LRRFIP1: variants seen among roughly 807,000 people sequenced by gnomAD.
LRRFIP1 encodes the protein LRR binding FLII interacting protein 1.
LRRFIP1 carries 62 observed loss-of-function variants against 104.4 expected under a neutral mutation model. The observed-to-expected ratio is 0.59, with a 90% CI of 0.48 to 0.73. The LOEUF (loss-of-function observed/expected upper bound fraction) is 0.73. Among genes scored for constraint, LRRFIP1 ranks in the 30% least tolerant of loss-of-function variants. The pLI is 0.00. For missense variants in LRRFIP1, 796 were observed against 824.5 expected, an observed-to-expected ratio of 0.97 and a Z score of 0.42; for synonymous variants, 300 against 299.0, an observed-to-expected ratio of 1.00 and a Z score of -0.03.
chr2:237,663,048 G>C (rs987807065), intron 1 of LRRFIP1, among the ~76,000 whole-genome samples: 1 of 152,142 alleles, frequency 6.6e-6, no homozygotes, highest in African/African-American at 2.4e-5. Flanking sequence ...TGCCCTGCGG[G>C]AGCCGGCAGG....
intron 19 of LRRFIP1, among the ~76,000 whole-genome samples, chr2:237,761,249 A>G (rs192183482): frequency 6.6e-6 from 1 of 152,348 alleles, no homozygotes; most frequent in East Asian, 1.9e-4. Context: ...GTTGTGGCCT[A>G]GTGCAGTGGC....
At chr2:237,727,224 C>T (rs1226438203) in intron 7 of LRRFIP1, among the ~76,000 whole-genome samples, 3 of 151,972 alleles carry the variant, frequency 2.0e-5, no homozygotes, top group South Asian at 2.1e-4. Flanking sequence ...GGCGTGGTGA[C>T]GCACGCCTGT....
intron 19 of LRRFIP1, chr2:237,762,547 A>G (rs3739046): frequency 0.04 from 54,462 of 1,364,024 alleles, 2,268 homozygotes; most frequent in East Asian, 0.15. Context: ...ATTCTAATGT[A>G]GATTATGTGG....
At position 237,663,681 on chromosome 2, in the gene LRRFIP1, G is replaced by C. The variant is rs188681720; in HGVS notation, c.96+35941G>C. Reference sequence around the variant, plus strand: ...GAATGACTTCCGGGCCTCTGACAGGGTGCTTGGGGAGGATGGTGTGATGTT... The same window carrying C: ...GAATGACTTCCGGGCCTCTGACAGGCTGCTTGGGGAGGATGGTGTGATGTT... On this transcript the variant is annotated intron_variant, in intron 1 of 23. Transcript: ENST00000308482. Among the ~76,000 whole-genome samples, 7 of 152,380 alleles carry C rather than the reference G, an allele frequency of 4.6e-5. No homozygotes were observed. The East Asian group carries it at 1.3e-3, about 29-fold the overall frequency.
intron 1 of LRRFIP1, among the ~76,000 whole-genome samples, chr2:237,673,099 G>A (rs952068825): frequency 6.6e-6 from 1 of 152,200 alleles, no homozygotes; most frequent in Non-Finnish European, 1.5e-5. Flanking sequence ...ACCCCCACAC[G>A]GATTAGCCTA....
At chr2:237,627,849 C>T (rs2081790510) in intron 1 of LRRFIP1, 109 bp downstream of exon 1, 7 of 710,508 alleles carry the variant, frequency 9.9e-6, no homozygotes, top group Non-Finnish European at 1.3e-5. Flanking sequence ...TGTGCCACTG[C>T]GCGTCCGGCT....
intron 1 of LRRFIP1, among the ~76,000 whole-genome samples, chr2:237,656,943 G>A (rs1410848116): frequency 1.3e-5 from 2 of 152,292 alleles, no homozygotes; most frequent in East Asian, 1.9e-4. Flanking sequence ...ACAATGTTAC[G>A]AAGATAACAT....
At chr2:237,756,459 C>T (rs539092515) in intron 16 of LRRFIP1, among the ~76,000 whole-genome samples, 2 of 152,318 alleles carry the variant, frequency 1.3e-5, no homozygotes, top group East Asian at 1.9e-4. Flanking sequence ...GATGTCTCTT[C>T]ATATAAGGAC....
At chr2:237,729,652 C>CGTTCCTGGGCTCCTAGTGTTG (rs780541783) in intron 8 of LRRFIP1, 29 of 182,508 alleles carry the variant, frequency 1.6e-4, no homozygotes, top group South Asian at 5.5e-4. Flanking sequence ...GATAAACTAG[C>CGTTCCTGGGCTCCTAGTGTTG]GTTCCTGGGC....
intron 1 of LRRFIP1, among the ~76,000 whole-genome samples, chr2:237,655,524 T>C (rs1186852023): frequency 6.6e-6 from 1 of 152,246 alleles, no homozygotes; most frequent in Non-Finnish European, 1.5e-5. Flanking sequence ...AAATCTCACA[T>C]CGCTGAGTGC....
chr2:237,656,728 CA>C (rs972419554), intron 1 of LRRFIP1, among the ~76,000 whole-genome samples: 2 of 152,042 alleles, frequency 1.3e-5, no homozygotes, highest in African/African-American at 4.8e-5. Context: ...TTTAAAGAGG[CA>C]AAAAATATAA....
Position 237,752,471 on chromosome 2 carries a change from C to T in LRRFIP1, c.868-838C>T, listed in dbSNP as rs557587702. The stretch of plus-strand genomic sequence containing the variant: ...GGAGACCCGCTGGTCCCACGTGAAG[C>T]AGCTGTCCTGGTGTGGAGGTACAGA... On this transcript the variant is annotated intron_variant, in intron 14 of 23. Coordinates refer to ENST00000308482, the MANE Select transcript of LRRFIP1 (RefSeq NM_001137550.2). Among the ~76,000 whole-genome samples the T allele has an allele frequency of 3.2e-4, 48 of 152,358 alleles. No homozygotes were observed. The South Asian group carries it at 9.8e-3, about 31-fold the overall frequency.
At chr2:237,706,303 C>T (rs1281654752) in intron 1 of LRRFIP1, among the ~76,000 whole-genome samples, 1 of 152,130 alleles carries the variant, frequency 6.6e-6, no homozygotes, top group Non-Finnish European at 1.5e-5. Flanking sequence ...CTTCTTTCCC[C>T]CAACCCTTTC....
chr2:237,631,090 C>T (rs1456250223), intron 1 of LRRFIP1, among the ~76,000 whole-genome samples: 1 of 152,196 alleles, frequency 6.6e-6, no homozygotes, highest in Non-Finnish European at 1.5e-5. Flanking sequence ...GAGAGCCGGC[C>T]TCCCTGAAAC....
Position 237,749,247 on chromosome 2 carries a change from G to A in LRRFIP1, c.718G>A (p.Gly240Ser), listed in dbSNP as rs1222442137. 6.2e-7 allele frequency: 1 copy of A among 1,613,902 alleles called. No homozygotes were observed. Among genetic ancestry groups the A allele is most frequent in the African/African-American group, 1.3e-5 (1 of 74,982 alleles). The change falls in exon 13 of 24, where the codon GGT becomes AGT. Residue 240 changes from glycine to serine, a missense_variant. Transcript: ENST00000308482. Reference sequence around the variant, plus strand: ...GTCTGCAGCCACGCTGGCCTCTCTGGGTGGGACTTCCTCTCGGAGAGGCAG... The same window carrying A: ...GTCTGCAGCCACGCTGGCCTCTCTGAGTGGGACTTCCTCTCGGAGAGGCAG... Reference protein sequence around the residue: ...GLSAATLASLGGTSSRRGSGD... With the variant: ...GLSAATLASLSGTSSRRGSGD...
At chr2:237,757,976 G>C (rs968420629) in intron 17 of LRRFIP1, among the ~76,000 whole-genome samples, 6 of 151,818 alleles carry the variant, frequency 4.0e-5, no homozygotes, top group African/African-American at 1.5e-4. Context: ...ATCTTCCCCA[G>C]GGAAGGTCTC....
rs968453469 is a variant in LRRFIP1, at chr2:237,758,157, A to G, written c.1225-572A>G. On this transcript the variant is annotated intron_variant, in intron 17 of 23. Coordinates refer to ENST00000308482, the MANE Select transcript of LRRFIP1 (RefSeq NM_001137550.2). The stretch of plus-strand genomic sequence containing the variant: ...CTAATAAAGACGTCGAGATACCTGC[A>G]CAAACCATCGGCACGTTGACTCAAG... 2.7e-5 allele frequency among the ~76,000 whole-genome samples: 4 copies of G among 145,976 alleles called. No individual in the cohort carries two copies. In the East Asian group the frequency reaches 8.9e-4, roughly 32 times the overall value.
chr2:237,762,914 A>G (rs759355684), intron 19 of LRRFIP1: 19 of 1,614,082 alleles, frequency 1.2e-5, no homozygotes, highest in Non-Finnish European at 1.6e-5. Flanking sequence ...AGATGACAGG[A>G]CCAGAACTCC....
intron 1 of LRRFIP1, among the ~76,000 whole-genome samples, chr2:237,694,169 G>A (rs1008934840): frequency 5.3e-5 from 8 of 152,160 alleles, no homozygotes; most frequent in South Asian, 2.1e-4. Context: ...ATTTTCTTAC[G>A]TTTCTCTGCA....
Sources: gnomAD v4.1 joint callset for allele counts (sites outside exome capture counted in the v4.1 genomes callset) on GRCh38, gnomAD v4.1.1 for gene constraint, MANE v1.5 for transcripts, NCBI Gene and HGNC (gene_info 2026-07-23, HGNC 2026-07-21) for gene names.